OARD1: variants seen among roughly 807,000 people sequenced by gnomAD.
OARD1 encodes the protein O-acyl-ADP-ribose deacylase 1.
A neutral mutation model predicts 19.7 loss-of-function variants in OARD1; 19 were observed. That is an observed-to-expected ratio of 0.96 (90% CI 0.67 to 1.41). OARD1 has a LOEUF of 1.41. Ranked by LOEUF, OARD1 falls within the 40% of genes most tolerant of loss-of-function variation. The pLI, the probability that OARD1 is intolerant of heterozygous loss-of-function variation, is 0.00. For missense variants in OARD1, 190 were observed against 183.8 expected (o/e 1.03, Z -0.20); for synonymous variants, 70 against 61.8 (o/e 1.13, Z -0.62).
chr6:41,089,464 C>CT, intron 1 of OARD1: 1 of 1,230,242 alleles, frequency 8.1e-7, no homozygotes, highest in Non-Finnish European at 1.1e-6. Flanking sequence ...AGCAGGACTT[C>CT]TTTTTTCCTC....
Position 41,083,983 on chromosome 6 carries a change from CT to C in OARD1, c.-41-12309del. The C allele has an allele frequency of 5.4e-6, 8 of 1,473,930 alleles. No individual in the cohort carries two copies. In the South Asian group the frequency reaches 1.1e-4, roughly 20 times the overall value. The allele number at this position is 1,473,930 out of a possible 1,614,324, so 91.3% of individuals were successfully genotyped here. ...GCAGCAGAATAGTTCCAGTGATTGTCTTTTGGTAAAAACCATTTTGTGTCTT... is the reference window on the plus strand; with the variant it reads ...GCAGCAGAATAGTTCCAGTGATTGTCTTTGGTAAAAACCATTTTGTGTCTT... On this transcript the variant is annotated intron_variant, in intron 1 of 4. Coordinates refer to the OARD1 transcript ENST00000480585.
intron 4 of OARD1, chr6:41,069,626 G>A (rs746538887): frequency 9.5e-6 from 2 of 211,262 alleles, no homozygotes; most frequent in Non-Finnish European, 1.9e-5. Flanking sequence ...GTTAGGAGAG[G>A]AGCTAAGTAT....
intron 1 of OARD1, chr6:41,090,143 C>A: frequency 2.6e-6 from 3 of 1,150,788 alleles, no homozygotes; most frequent in South Asian, 1.3e-5. Flanking sequence ...TTAAGGACTA[C>A]ATCGTTCTTT....
rs1215066655 is a variant in OARD1, at chr6:41,071,635, G to A, written c.-1C>T. On this transcript the variant is annotated 5_prime_UTR_variant, in exon 2 of 6. Coordinates refer to ENST00000424266, the MANE Select transcript of OARD1 (RefSeq NM_001329686.2). ...GATCTTCATTAAGGCTGCTGGCCAT[G>A]ATACTGAGTCGCTATTTCCAGAATT... 1 of 1,612,736 alleles carries A rather than the reference G, an allele frequency of 6.2e-7. No homozygotes were observed. Among genetic ancestry groups the A allele is most frequent in the African/African-American group, 1.3e-5 (1 of 74,922 alleles).
intron 1 of OARD1, chr6:41,091,596 ACAGGAGCCAATACCAACACAAC>A: frequency 6.2e-7 from 1 of 1,614,232 alleles, no homozygotes; most frequent in Non-Finnish European, 8.5e-7. Context: ...GATTGTTCAA[ACAGGAGCCAATACCAACACAAC>A]CAGCAGTGGG....
intron 1 of OARD1, among the ~76,000 whole-genome samples, chr6:41,088,459 T>G (rs554143986): frequency 6.6e-6 from 1 of 151,994 alleles, no homozygotes; most frequent in South Asian, 2.1e-4. Context: ...ATTTTATAGT[T>G]TCTGTGAGTT....
upstream of OARD1, among the ~76,000 whole-genome samples, chr6:41,074,592 C>T (rs1251682052): frequency 2.6e-5 from 4 of 152,094 alleles, no homozygotes; most frequent in Non-Finnish European, 4.4e-5. Flanking sequence ...AAAGCATGTG[C>T]AGAGGAATCA....
chr6:41,071,315 A>G, intron 2 of OARD1, 39 bp from the exon 3 acceptor site: 1 of 1,567,888 alleles, frequency 6.4e-7, no homozygotes, highest in Non-Finnish European at 8.8e-7. Context: ...GTTTTATTAG[A>G]TACAGTAAAA....
At chr6:41,076,891 T>C (rs1362302114), upstream of OARD1, among the ~76,000 whole-genome samples, 3 of 152,192 alleles carry the variant, frequency 2.0e-5, no homozygotes, top group African/African-American at 7.2e-5. Flanking sequence ...ACAGTATCAA[T>C]ATCATGATAC....
At chr6:41,084,449 T>A (rs1405981012) in intron 1 of OARD1, among the ~76,000 whole-genome samples, 1 of 152,176 alleles carries the variant, frequency 6.6e-6, no homozygotes, top group Non-Finnish European at 1.5e-5. Context: ...AGAATCTAGT[T>A]TATAGTATAT....
chr6:41,071,510 C>T lies in OARD1; in HGVS notation c.39+86G>A, dbSNP rs1221544448. ...TAGAGAGAAAAAAAGATAATGCAAT[C>T]ATTAATTTAATTAAAAAGTGTTTAT... On this transcript the variant is annotated intron_variant, in intron 2 of 5. Coordinates refer to ENST00000424266, the MANE Select transcript of OARD1 (RefSeq NM_001329686.2). 3 of 1,211,478 alleles carry T rather than the reference C, an allele frequency of 2.5e-6. No individual in the cohort carries two copies. The Admixed American group carries it at 5.3e-5, about 21-fold the overall frequency. 75.0% of individuals were successfully genotyped at this position (1,211,478 alleles called of 1,614,324 possible).
At chr6:41,088,618 C>CT (rs1302021335) in intron 1 of OARD1, among the ~76,000 whole-genome samples, 1 of 151,874 alleles carries the variant, frequency 6.6e-6, no homozygotes, top group Non-Finnish European at 1.5e-5. Flanking sequence ...GTTACTCGCT[C>CT]TGTTGCCTAG....
At chr6:41,075,185 CG>C (rs1763700013), upstream of OARD1, 1 of 152,240 alleles carries the variant, frequency 6.6e-6, no homozygotes, top group African/African-American at 2.4e-5. Context: ...GCCTTTGGAA[CG>C]TTTTTTTGTT....
chr6:41,074,140 CTA>C (rs1471163692), upstream of OARD1, among the ~76,000 whole-genome samples: 1 of 152,098 alleles, frequency 6.6e-6, no homozygotes, highest in Non-Finnish European at 1.5e-5. Flanking sequence ...CTTCGCCTTT[CTA>C]TGTTACTTTG....
rs1350677898 is a variant in OARD1, at chr6:41,065,648, C to T, written c.*1687G>A. 1 of 152,182 alleles carries T rather than the reference C, an allele frequency of 6.6e-6. No individual in the cohort carries two copies. The highest frequency in any genetic ancestry group is 1.5e-5 in the Non-Finnish European group (1 of 68,030). 9.4% of individuals were successfully genotyped at this position (152,182 alleles called of 1,614,324 possible). ...GCCCCTACCCCAACAACATGAAGAA[C>T]TTGTCTGTTCCACCTAGAAATACAA... is the stretch of plus-strand genomic sequence containing the variant. On this transcript the variant is annotated 3_prime_UTR_variant, in exon 6 of 6. Transcript: ENST00000424266.
intron 1 of OARD1, among the ~76,000 whole-genome samples, chr6:41,094,784 C>A (rs1348906481): frequency 1.3e-5 from 2 of 152,134 alleles, no homozygotes; most frequent in East Asian, 3.9e-4. Context: ...CAAAAAAATA[C>A]AAAAACTAGC....
In OARD1 at chr6:41,071,697, T is replaced by C. The variant is rs573363036; in HGVS notation, c.-41-22A>G. 23 of 1,376,876 alleles carry C rather than the reference T, an allele frequency of 1.7e-5. No individual in the cohort carries two copies. In the South Asian group the frequency reaches 2.7e-4, roughly 16 times the overall value. 85.3% of individuals were successfully genotyped at this position (1,376,876 alleles called of 1,614,324 possible). A position where few individuals can be genotyped will look rare whatever the true frequency, so the allele number is the denominator to read the frequency against. On this transcript the variant is annotated intron_variant, in intron 1 of 5. Coordinates refer to ENST00000424266, the MANE Select transcript of OARD1 (RefSeq NM_001329686.2). ...TCAGCTATGAGAAGGGAAAAGGAAG[T>C]AAAAATGCTTAGGCAGCCTTAGTAT...
intron 1 of OARD1, among the ~76,000 whole-genome samples, chr6:41,088,423 CAAAAA>C (rs34590854): frequency 4.6e-5 from 3 of 64,710 alleles, no homozygotes; most frequent in Non-Finnish European, 3.0e-5. Context: ...ACTCCGTCTC[CAAAAA>C]AAAAAAAAAA....
At chr6:41,086,507 C>A (rs1764047902) in intron 1 of OARD1, among the ~76,000 whole-genome samples, 1 of 150,690 alleles carries the variant, frequency 6.6e-6, no homozygotes, top group Non-Finnish European at 1.5e-5. Context: ...AGGCTTTAAT[C>A]CCCTTTGTAT....
Sources: gnomAD v4.1 joint callset for allele counts (sites outside exome capture counted in the v4.1 genomes callset) on GRCh38, gnomAD v4.1.1 for gene constraint, MANE v1.5 for transcripts, NCBI Gene and HGNC (gene_info 2026-07-23, HGNC 2026-07-21) for gene names.